FURIN: variants seen among roughly 807,000 people sequenced by gnomAD.
FURIN encodes the protein FES upstream region.
FURIN carries 18 observed loss-of-function variants against 89.2 expected under a neutral mutation model. The ratio of observed to expected loss-of-function variants is 0.20; its 90% CI spans 0.14 to 0.30. The LOEUF is 0.30. Ranked by LOEUF, FURIN falls within the 10% of genes least tolerant of loss-of-function variation. The pLI is 1.00. For missense variants in FURIN, 879 were observed against 1,100.5 expected, an observed-to-expected ratio of 0.80 and a Z score of 2.85; for synonymous variants, 508 against 466.4, an observed-to-expected ratio of 1.09 and a Z score of -1.15.
chr15:90,880,888 C>T, intron 14 of FURIN, 42 bp from the exon 15 acceptor site: 1 of 1,610,690 alleles, frequency 6.2e-7, no homozygotes, highest in South Asian at 1.1e-5. Context: ...GGTGTGGTGC[C>T]AGCACTGTCT....
intron 13 of FURIN, 112 bp from the exon 14 acceptor site, chr15:90,880,579 C>A: frequency 4.1e-6 from 5 of 1,212,136 alleles, no homozygotes; most frequent in Non-Finnish European, 5.8e-6. Context: ...CTTCTGGCCC[C>A]ATGGGGTTGG....
chr15:90,881,838 G>A lies in FURIN; in HGVS notation c.2345G>A (p.Gly782Asp), dbSNP rs1212731693. The A allele has an allele frequency of 6.2e-7, 1 of 1,613,150 alleles. No homozygotes were observed. The change falls in exon 16 of 16, where the codon GGC becomes GAC. Residue 782 changes from glycine (G) to aspartate (D), a missense_variant. Transcript: ENST00000268171. The surrounding 1 kb of genome is among the most constrained non-coding windows in gnomAD (Gnocchi z 4.3). ...GACTCAGAAGAGGACGAGGGCCGGGGCGAGAGGACCGCCTTTATCAAAGAC... is the reference window on the plus strand; with the variant it reads ...GACTCAGAAGAGGACGAGGGCCGGGACGAGAGGACCGCCTTTATCAAAGAC... ...PSDSEEDEGR[G>D]ERTAFIKDQS...
chr15:90,871,093 C>T (rs956744329), intron 1 of FURIN, among the ~76,000 whole-genome samples: 5 of 152,224 alleles, frequency 3.3e-5, no homozygotes, highest in African/African-American at 1.2e-4. Flanking sequence ...GCCGTGCAGT[C>T]CTCCCTCGAC....
At position 90,881,915 on chromosome 15, in the gene FURIN, C is replaced by A; in HGVS notation, c.*37C>A. ...CCCACCCCCTCAAGCCAATCCCCTC[C>A]TTGGGCACTTTTTAATTCACCAAAG... On this transcript the variant is annotated 3_prime_UTR_variant, in exon 16 of 16. Coordinates refer to ENST00000268171, the MANE Select transcript of FURIN (RefSeq NM_002569.4). The surrounding 1 kb of genome is among the most constrained non-coding windows in gnomAD (Gnocchi z 4.3). 1 of 1,400,520 alleles carries A rather than the reference C, an allele frequency of 7.1e-7. No individual in the cohort carries two copies. Among genetic ancestry groups the A allele is most frequent in the East Asian group, 2.4e-5 (1 of 42,540 alleles). The allele number at this position is 1,400,520 out of a possible 1,614,324, so 86.8% of individuals were successfully genotyped here.
intron 1 of FURIN, among the ~76,000 whole-genome samples, chr15:90,871,321 C>A (rs931086151): frequency 6.6e-6 from 1 of 152,038 alleles, no homozygotes; most frequent in Admixed American, 6.5e-5. Context: ...GGCGAAGAGC[C>A]GAGCCCGGGG....
intron 1 of FURIN, among the ~76,000 whole-genome samples, chr15:90,873,881 C>G (rs115315284): frequency 4.7e-4 from 72 of 152,272 alleles, no homozygotes; most frequent in African/African-American, 1.4e-3. Flanking sequence ...TGTGGAGTAC[C>G]CCCAGCCTGC....
chr15:90,879,659 C>T lies in FURIN; in HGVS notation c.1155-12C>T, dbSNP rs1567084338. The T allele has an allele frequency of 6.2e-7, 1 of 1,609,350 alleles. No individual in the cohort carries two copies. Among genetic ancestry groups the T allele is most frequent in the Admixed American group, 1.7e-5 (1 of 60,028 alleles). ...AAGACTGATCCCCAGCCTCTCCCTTCCTTCTTTGCAGTAAGAACCTCACAT... is the reference window on the plus strand; with the variant it reads ...AAGACTGATCCCCAGCCTCTCCCTTTCTTCTTTGCAGTAAGAACCTCACAT... On this transcript the variant is annotated splice_polypyrimidine_tract_variant and intron_variant, in intron 10 of 15. Transcript: ENST00000268171.
chr15:90,881,607 G>A lies in FURIN; in HGVS notation c.2114G>A (p.Arg705Gln), dbSNP rs745883746. ...GAGGTGGAGGCGGGGCAACGGCTGC[G>A]GGCAGGGCTGCTGCCCTCACACCTG... ...PPEVEAGQRL[R>Q]AGLLPSHLPE... is the part of the protein sequence containing the mutation. The change falls in exon 16 of 16, where the codon CGG (arginine) becomes CAG (glutamine). Residue 705 changes from arginine (R) to glutamine (Q), a missense_variant. Physicochemically the swap from Arg to Gln is conservative, Grantham distance 43 (BLOSUM62 1). Coordinates refer to ENST00000268171, the MANE Select transcript of FURIN (RefSeq NM_002569.4). The surrounding 1 kb of genome is among the most constrained non-coding windows in gnomAD (Gnocchi z 4.3). 6 of 1,603,500 alleles carry A rather than the reference G, an allele frequency of 3.7e-6. No individual in the cohort carries two copies. Among genetic ancestry groups the A allele is most frequent in the East Asian group, 4.5e-5 (2 of 44,636 alleles).
At chr15:90,871,082 C>T (rs899927388) in intron 1 of FURIN, among the ~76,000 whole-genome samples, 9 of 152,208 alleles carry the variant, frequency 5.9e-5, no homozygotes, top group African/African-American at 2.2e-4. Context: ...CTGGTCCTGC[C>T]GCCGTGCAGT....
chr15:90,881,844 G>C lies in FURIN; in HGVS notation c.2351G>C (p.Arg784Thr), dbSNP rs1190856089. ...GAAGAGGACGAGGGCCGGGGCGAGA[G>C]GACCGCCTTTATCAAAGACCAGAGC... ...DSEEDEGRGE[R>T]TAFIKDQSAL is the part of the protein sequence containing the mutation. The change falls in exon 16 of 16, where the codon AGG (arginine) becomes ACG (threonine). Residue 784 changes from arginine to threonine, a missense_variant. Arg to Thr is a moderately conservative substitution (Grantham distance 71, BLOSUM62 -1). Around this residue, in one of 5 missense-constraint regions of FURIN, gnomAD observed 457 missense variants for 490.7 expected, o/e 0.93. Coordinates refer to ENST00000268171, the MANE Select transcript of FURIN (RefSeq NM_002569.4). The surrounding 1 kb of genome is among the most constrained non-coding windows in gnomAD (Gnocchi z 4.3). The C allele has an allele frequency of 6.2e-7, 1 of 1,612,948 alleles. No individual in the cohort carries two copies.
intron 1 of FURIN, among the ~76,000 whole-genome samples, chr15:90,872,509 G>A (rs74037506): frequency 0.021 from 3,189 of 152,246 alleles, 106 homozygotes; most frequent in African/African-American, 0.07. Context: ...ACACAGCATA[G>A]GAGATTAGCC....
intron 6 of FURIN, 147 bp from the exon 7 acceptor site, chr15:90,877,380 G>T: frequency 1.2e-6 from 1 of 867,052 alleles, no homozygotes. Context: ...GATGGCCACA[G>T]GCCCAGTGGA....
chr15:90,878,009 A>G (rs2031730983), intron 7 of FURIN, 123 bp from the exon 8 acceptor site: 2 of 873,406 alleles, frequency 2.3e-6, no homozygotes, highest in Non-Finnish European at 3.5e-6. Context: ...GTTTCTCAGC[A>G]TCAGCCTCCA....
At position 90,880,992 on chromosome 15, in the gene FURIN, C is replaced by G; in HGVS notation, c.1744C>G (p.Pro582Ala). ...GTAPEGLPVPPESSGCKTLTS... is the reference protein window; with the variant it reads ...GTAPEGLPVPAESSGCKTLTS... ...CGCCCCTGAGGGGCTGCCCGTACCT[C>G]CAGAAAGCAGTGGCTGCAAGACCCT... Residue 582 changes from proline to alanine, a missense_variant, in exon 15 of 16, where the codon CCA (proline) becomes GCA (alanine). By Grantham distance (27) the Pro-to-Ala change is conservative. Transcript: ENST00000268171. 1 of 1,614,072 alleles carries G rather than the reference C, an allele frequency of 6.2e-7. No homozygotes were observed. The highest frequency in any genetic ancestry group is 2.2e-5 in the East Asian group (1 of 44,882).
chr15:90,879,941 G>GCC lies in FURIN; in HGVS notation c.1338_1339dup (p.Gln447ProfsTer26). Reference sequence around the variant, plus strand: ...CCTGGCCCAGAATTGGACCACAGTGGCCCCCCAGCGGAAGTGCATCATCGA... The same window carrying GCC: ...CCTGGCCCAGAATTGGACCACAGTGGCCCCCCCCAGCGGAAGTGCATCATCGA... On this transcript the variant is annotated frameshift_variant, in exon 12 of 16. Transcript: ENST00000268171. LOFTEE classifies it high-confidence loss of function. 1 of 1,613,216 alleles carries GCC rather than the reference G, an allele frequency of 6.2e-7. No homozygotes were observed. Among genetic ancestry groups the GCC allele is most frequent in the Non-Finnish European group, 8.5e-7 (1 of 1,179,978 alleles).
intron 6 of FURIN, 56 bp downstream of exon 6, chr15:90,877,267 A>G: frequency 7.2e-7 from 1 of 1,396,246 alleles, no homozygotes; most frequent in South Asian, 1.3e-5. Flanking sequence ...CCACTAAGGA[A>G]CAGGGCTGAG....
chr15:90,871,687 C>A (rs1183956424), intron 1 of FURIN: 2 of 148,730 alleles, frequency 1.3e-5, no homozygotes, highest in Non-Finnish European at 3.0e-5. Context: ...CCGGCCGGGC[C>A]GGGCCGTGGA....
chr15:90,883,115 G>A lies in FURIN; in HGVS notation c.*1237G>A, dbSNP rs2032110095. ...TGAGCCCCCCCAACACTGTGCCCTGGTGGAGAAAGCACTGACCTGTCATGC... is the reference window on the plus strand; with the variant it reads ...TGAGCCCCCCCAACACTGTGCCCTGATGGAGAAAGCACTGACCTGTCATGC... On this transcript the variant is annotated 3_prime_UTR_variant, in exon 16 of 16. Transcript: ENST00000268171. The A allele has an allele frequency of 6.5e-6, 1 of 152,728 alleles. No homozygotes were observed. The highest frequency in any genetic ancestry group is 6.5e-5 in the Admixed American group (1 of 15,288). 9.5% of individuals were successfully genotyped at this position (152,728 alleles called of 1,614,324 possible). A position where few individuals can be genotyped will look rare whatever the true frequency, so the allele number is the denominator to read the frequency against.
chr15:90,879,440 G>A lies in FURIN; in HGVS notation c.1054-4G>A, dbSNP rs1248204127. On this transcript the variant is annotated splice_region_variant and splice_polypyrimidine_tract_variant and intron_variant, in intron 9 of 15. Coordinates refer to ENST00000268171, the MANE Select transcript of FURIN (RefSeq NM_002569.4). ...AGGCCCCAATATGATTCTCTTCCTG[G>A]CAGGTGACGACTGACTTGCGGCAGA... The A allele has an allele frequency of 6.2e-7, 1 of 1,605,036 alleles. No homozygotes were observed. The highest frequency in any genetic ancestry group is 8.5e-7 in the Non-Finnish European group (1 of 1,171,946).
Sources: allele counts gnomAD v4.1 joint callset (sites outside exome capture counted in the v4.1 genomes callset), GRCh38; gene constraint gnomAD v4.1.1; regional missense constraint gnomAD v4.1.1; non-coding constraint Gnocchi (gnomAD v3.1); transcripts MANE v1.5; gene names NCBI Gene and HGNC (gene_info 2026-07-23, HGNC 2026-07-21).